The following PEAK1 variants were observed in gnomAD, a reference collection of about 807,000 sequenced individuals.
PEAK1 encodes the protein inactive tyrosine-protein kinase PEAK1.
PEAK1 carries 54 observed loss-of-function variants against 124.7 expected under a neutral mutation model. That is an observed-to-expected ratio of 0.43 (90% CI 0.35 to 0.54). The LOEUF (loss-of-function observed/expected upper bound fraction) is 0.54. Among genes scored for constraint, PEAK1 ranks in the 20% least tolerant of loss-of-function variants. The probability of loss-of-function intolerance (pLI) is 0.01; values close to 1 mark genes in which losing one functional copy is unlikely to be tolerated. For missense variants in PEAK1, 2,046 were observed against 2,134.5 expected, an observed-to-expected ratio of 0.96 and a Z score of 0.82; for synonymous variants, 719 against 760.0, an observed-to-expected ratio of 0.95 and a Z score of 0.89.
At chr15:77,410,994 CA>C (rs996589303) in intron 1 of PEAK1, among the ~76,000 whole-genome samples, 8 of 152,058 alleles carry the variant, frequency 5.3e-5, no homozygotes, top group African/African-American at 1.4e-4. Context: ...ATTTTTAATG[CA>C]AAGGGGTTGA....
intron 6 of PEAK1, among the ~76,000 whole-genome samples, chr15:77,205,722 A>G (rs1178821288): frequency 6.6e-6 from 1 of 152,214 alleles, no homozygotes; most frequent in Non-Finnish European, 1.5e-5. Flanking sequence ...ACAGCTTATG[A>G]ACATGTGAAG....
At chr15:77,403,246 C>T (rs2071527730) in intron 1 of PEAK1, 1 of 985,254 alleles carries the variant, frequency 1.0e-6, no homozygotes, top group Non-Finnish European at 1.2e-6. Context: ...TCAAGTCTAT[C>T]TCCCAATACC....
chr15:77,136,246 C>T (rs2053312717), intron 8 of PEAK1, among the ~76,000 whole-genome samples: 1 of 152,118 alleles, frequency 6.6e-6, no homozygotes, highest in African/African-American at 2.4e-5. Flanking sequence ...ATTTGTGGAA[C>T]TTTGAACTTG....
At chr15:77,122,339 G>A (rs1276578609) in intron 9 of PEAK1, among the ~76,000 whole-genome samples, 1 of 152,100 alleles carries the variant, frequency 6.6e-6, no homozygotes, top group African/African-American at 2.4e-5. Flanking sequence ...TTTGTGACTT[G>A]TACTCACCAA....
intron 6 of PEAK1, among the ~76,000 whole-genome samples, chr15:77,243,500 A>C (rs1239318281): frequency 6.6e-6 from 1 of 152,238 alleles, no homozygotes; most frequent in Non-Finnish European, 1.5e-5. Flanking sequence ...TTTCTTAATC[A>C]GTAGGATTTG....
intron 8 of PEAK1, among the ~76,000 whole-genome samples, chr15:77,134,123 A>G (rs2053117616): frequency 6.6e-6 from 1 of 152,246 alleles, no homozygotes; most frequent in South Asian, 2.1e-4. Flanking sequence ...GGATTGTGAC[A>G]GAGTAGAGAT....
intron 6 of PEAK1, among the ~76,000 whole-genome samples, chr15:77,196,459 G>A (rs570986005): frequency 1.1e-4 from 16 of 152,236 alleles, no homozygotes; most frequent in Non-Finnish European, 1.9e-4. Context: ...AATTTCAAAT[G>A]TATTCTAATA....
At chr15:77,214,407 G>C (rs1208145965) in intron 6 of PEAK1, among the ~76,000 whole-genome samples, 2 of 151,426 alleles carry the variant, frequency 1.3e-5, no homozygotes, top group Non-Finnish European at 1.5e-5. Flanking sequence ...ATGAGGTCAG[G>C]AGATGGAGAC....
chr15:77,186,981 A>G (rs1285035652), intron 6 of PEAK1, among the ~76,000 whole-genome samples: 1 of 152,216 alleles, frequency 6.6e-6, no homozygotes, highest in African/African-American at 2.4e-5. Context: ...TGCTTGAGAA[A>G]TAAGAAATGT....
chr15:77,269,263 C>T lies in PEAK1; in HGVS notation c.-275+14620G>A, dbSNP rs141328783. On this transcript the variant is annotated intron_variant, in intron 5 of 9. Coordinates refer to ENST00000682557, the MANE Select transcript of PEAK1 (RefSeq NM_001385026.1). ...AATTCAGTAACTAAGTATCTGCTGT[C>T]TTCAAGAGACTCACCTGACACATAG... Among the ~76,000 whole-genome samples, 708 of 152,236 alleles carry T rather than the reference C, an allele frequency of 4.7e-3. 9 individuals are homozygous for T. Among genetic ancestry groups the T allele is most frequent in the Non-Finnish European group, 7.7e-3 (525 of 68,010 alleles).
chr15:77,369,691 G>C (rs1209395935), intron 1 of PEAK1, among the ~76,000 whole-genome samples: 1 of 149,004 alleles, frequency 6.7e-6, no homozygotes, highest in Non-Finnish European at 1.5e-5. Flanking sequence ...TTCATAAATG[G>C]ATGAAACAGG....
chr15:77,289,558 G>A (rs80276217), intron 2 of PEAK1, among the ~76,000 whole-genome samples: 3 of 152,108 alleles, frequency 2.0e-5, no homozygotes, highest in Admixed American at 6.6e-5. Context: ...ATACACGACC[G>A]GGTGCAGTGC....
intron 2 of PEAK1, chr15:77,334,427 T>C (rs2066070877): frequency 1.0e-6 from 1 of 985,278 alleles, no homozygotes; most frequent in South Asian, 4.7e-5. Flanking sequence ...TTGCCAGGCT[T>C]CTACTTGTAC....
At chr15:77,329,816 G>A (rs2065793487) in intron 2 of PEAK1, among the ~76,000 whole-genome samples, 2 of 152,056 alleles carry the variant, frequency 1.3e-5, no homozygotes, top group South Asian at 4.1e-4. Flanking sequence ...TATGAAAGTG[G>A]GTTTCTAGAG....
Position 77,111,090 on chromosome 15 carries a change from A to G in PEAK1, c.*3066T>C, listed in dbSNP as rs1005387978. ...AAGGAAAAGTTCCAATAGGAGCTTA[A>G]TTGTTCAAACTCTCAATATAAATGG... On this transcript the variant is annotated 3_prime_UTR_variant, in exon 10 of 10. Transcript: ENST00000682557. The G allele has an allele frequency of 7.2e-5, 11 of 152,264 alleles. No homozygotes were observed. The highest frequency in any genetic ancestry group is 1.2e-4 in the Non-Finnish European group (8 of 68,042). The allele number at this position is 152,264 out of a possible 1,614,324, so 9.4% of individuals were successfully genotyped here. A position where few individuals can be genotyped will look rare whatever the true frequency, so the allele number is the denominator to read the frequency against.
intron 2 of PEAK1, among the ~76,000 whole-genome samples, chr15:77,297,787 G>A (rs1286384662): frequency 6.7e-5 from 10 of 148,794 alleles, no homozygotes; most frequent in Non-Finnish European, 1.3e-4. Flanking sequence ...GGCCGGGTGC[G>A]GTGGCTCACG....
intron 8 of PEAK1, among the ~76,000 whole-genome samples, chr15:77,153,982 C>T (rs935113648): frequency 6.6e-6 from 1 of 152,146 alleles, no homozygotes; most frequent in African/African-American, 2.4e-5. Context: ...GTGGAGAGTT[C>T]TGTAGATGTC....
intron 1 of PEAK1, among the ~76,000 whole-genome samples, chr15:77,373,113 G>C (rs535061639): frequency 6.6e-6 from 1 of 152,298 alleles, no homozygotes; most frequent in East Asian, 1.9e-4. Context: ...ATCTTAATAT[G>C]TATTTATCCA....
At chr15:77,175,725 C>T (rs1228223527) in intron 7 of PEAK1, among the ~76,000 whole-genome samples, 1 of 152,212 alleles carries the variant, frequency 6.6e-6, no homozygotes, top group African/African-American at 2.4e-5. Context: ...ACTAGAAATA[C>T]CATTTAACCC....
Sources: gnomAD v4.1 joint callset for allele counts (sites outside exome capture counted in the v4.1 genomes callset) on GRCh38, gnomAD v4.1.1 for gene constraint, MANE v1.5 for transcripts, NCBI Gene and HGNC (gene_info 2026-07-23, HGNC 2026-07-21) for gene names.